Variants in KHDRBS2 observed in about 807,000 individuals in gnomAD.
KHDRBS2 encodes the protein KH RNA binding domain containing, signal transduction associated 2.
In KHDRBS2, 26 loss-of-function variants were observed where a neutral mutation model predicts 44.3. The ratio of observed to expected loss-of-function variants is 0.59; its 90% CI spans 0.43 to 0.81. The LOEUF (loss-of-function observed/expected upper bound fraction) is 0.81, where lower values mean the gene tolerates loss of function less well. Ranked by LOEUF, KHDRBS2 falls within the 40% of genes least tolerant of loss-of-function variation. KHDRBS2 has a pLI of 0.00. For synonymous variants in KHDRBS2, 194 were observed against 151.1 expected, an observed-to-expected ratio of 1.28 and a Z score of -2.08; for missense variants, 476 against 433.1, an observed-to-expected ratio of 1.10 and a Z score of -0.88.
intron 3 of KHDRBS2, among the ~76,000 whole-genome samples, chr6:62,001,501 A>G (rs1778234053): frequency 6.6e-6 from 1 of 152,100 alleles, no homozygotes; most frequent in South Asian, 2.1e-4. Flanking sequence ...GAAGAATAGG[A>G]TAAAATTGCT....
intron 1 of KHDRBS2, among the ~76,000 whole-genome samples, chr6:62,282,753 G>T (rs1396839517): frequency 1.3e-5 from 2 of 152,184 alleles, no homozygotes; most frequent in South Asian, 2.1e-4. Context: ...TTTCAAAAAT[G>T]TGCAGCCATT....
At chr6:61,848,507 A>AC in intron 6 of KHDRBS2, among the ~76,000 whole-genome samples, 1 of 54,362 alleles carries the variant, frequency 1.8e-5, no homozygotes, top group East Asian at 4.7e-4. Flanking sequence ...ATATATATAT[A>AC]TATGTATATA....
chr6:62,210,523 G>T (rs1828866472), intron 1 of KHDRBS2, among the ~76,000 whole-genome samples: 1 of 151,854 alleles, frequency 6.6e-6, no homozygotes, highest in African/African-American at 2.4e-5. Context: ...TAGAGATGGG[G>T]TTTCACCATG....
chr6:61,653,834 G>A, the KHDRBS2 span, among the ~76,000 whole-genome samples: 5 of 151,984 alleles, frequency 3.3e-5, no homozygotes, highest in African/African-American at 7.2e-5. Flanking sequence ...GTAATAGGAC[G>A]GGTATACAGA....
In KHDRBS2 at chr6:62,041,882, C is replaced by T. The variant is rs1379021542; in HGVS notation, c.336+5996G>A. ...AACTTGAGCCCAGATAACTTTATGG[C>T]TTTTTTTTCTTTCTAAGGTCACAGG... On this transcript the variant is annotated intron_variant, in intron 3 of 8. Transcript: ENST00000281156. Among the ~76,000 whole-genome samples, 6 of 151,874 alleles carry T rather than the reference C, an allele frequency of 4.0e-5. 1 individual carries two copies. In the East Asian group the frequency reaches 7.8e-4, roughly 20 times the overall value.
At chr6:61,721,907 C>T (rs1232006833) in intron 7 of KHDRBS2, among the ~76,000 whole-genome samples, 1 of 145,784 alleles carries the variant, frequency 6.9e-6, no homozygotes, top group Admixed American at 7.0e-5. Context: ...ATGATATTGG[C>T]TGTGGGTCTG....
rs1252432626 is a variant in KHDRBS2 at position 62,028,379 on chromosome 6, T to C, written c.336+19499A>G. Among the ~76,000 whole-genome samples, 6 of 152,244 alleles carry C rather than the reference T, an allele frequency of 3.9e-5. No individual in the cohort carries two copies. The East Asian group carries it at 1.2e-3, about 29-fold the overall frequency. ...CTATTAATTCTTTTTGTTCAGTGTG[T>C]TTTGATGAAAATACTTGAGAACTCA... On this transcript the variant is annotated intron_variant, in intron 3 of 8. Coordinates refer to ENST00000281156, the MANE Select transcript of KHDRBS2 (RefSeq NM_152688.4).
At chr6:62,131,969 G>A (rs1413853943) in intron 2 of KHDRBS2, among the ~76,000 whole-genome samples, 1 of 152,136 alleles carries the variant, frequency 6.6e-6, no homozygotes, top group Non-Finnish European at 1.5e-5. Flanking sequence ...AGATGAAGTA[G>A]ACATTCTGGA....
the KHDRBS2 span, chr6:61,630,406 G>C: frequency 6.6e-6 from 1 of 151,910 alleles, no homozygotes; most frequent in Non-Finnish European, 1.5e-5. Flanking sequence ...CCAGCAGCAA[G>C]GTGAATGGCT....
intron 6 of KHDRBS2, among the ~76,000 whole-genome samples, chr6:61,801,063 A>G (rs1786179539): frequency 6.6e-6 from 1 of 152,206 alleles, no homozygotes. Flanking sequence ...CAATAACAAC[A>G]GTTATTATAA....
intron 2 of KHDRBS2, among the ~76,000 whole-genome samples, chr6:62,161,277 A>G (rs906259371): frequency 2.6e-5 from 4 of 152,032 alleles, no homozygotes; most frequent in African/African-American, 9.7e-5. Context: ...GTTTACATTT[A>G]AAGTAATTAC....
At chr6:61,908,416 C>T (rs1168113842) in intron 4 of KHDRBS2, among the ~76,000 whole-genome samples, 1 of 151,928 alleles carries the variant, frequency 6.6e-6, no homozygotes, top group African/African-American at 2.4e-5. Context: ...GGGCAGATCA[C>T]AAGGTCAGGA....
chr6:61,938,822 A>G (rs1811533950), intron 4 of KHDRBS2, among the ~76,000 whole-genome samples: 1 of 152,160 alleles, frequency 6.6e-6, no homozygotes, highest in Non-Finnish European at 1.5e-5. Flanking sequence ...AAAAAGCAAA[A>G]TTGTTGATCT....
At chr6:62,092,821 T>C (rs950208006) in intron 2 of KHDRBS2, among the ~76,000 whole-genome samples, 1 of 152,144 alleles carries the variant, frequency 6.6e-6, no homozygotes, top group Admixed American at 6.6e-5. Flanking sequence ...GCAATTAATA[T>C]GTAAGCCATA....
chr6:61,633,970 A>G, the KHDRBS2 span, among the ~76,000 whole-genome samples: 1 of 152,056 alleles, frequency 6.6e-6, no homozygotes, highest in South Asian at 2.1e-4. Context: ...TATTACTTTA[A>G]AAATTCTAAG....
chr6:62,012,488 TA>T (rs1044921121), intron 3 of KHDRBS2, among the ~76,000 whole-genome samples: 4 of 152,132 alleles, frequency 2.6e-5, no homozygotes, highest in Non-Finnish European at 5.9e-5. Context: ...TCACTTGGAG[TA>T]AAATCCAAAC....
At chr6:61,936,935 C>T (rs1057350227) in intron 4 of KHDRBS2, among the ~76,000 whole-genome samples, 1 of 151,598 alleles carries the variant, frequency 6.6e-6, no homozygotes, top group African/African-American at 2.4e-5. Context: ...CTAATTTATC[C>T]ATCTGAAGAC....
intron 2 of KHDRBS2, among the ~76,000 whole-genome samples, chr6:62,119,021 C>T (rs997820140): frequency 6.6e-6 from 1 of 152,142 alleles, no homozygotes; most frequent in Non-Finnish European, 1.5e-5. Context: ...TTTTGTACCT[C>T]TAGAGAATCC....
chr6:61,756,243 T>C (rs1582633425), intron 6 of KHDRBS2, among the ~76,000 whole-genome samples: 1 of 151,750 alleles, frequency 6.6e-6, no homozygotes, highest in East Asian at 1.9e-4. Flanking sequence ...AAGTTCATTA[T>C]TAATTTTATT....
Sources: gnomAD v4.1 joint callset for allele counts (sites outside exome capture counted in the v4.1 genomes callset) on GRCh38, gnomAD v4.1.1 for gene constraint, MANE v1.5 for transcripts, NCBI Gene and HGNC (gene_info 2026-07-23, HGNC 2026-07-21) for gene names.